The following DCLK3 variants were observed in gnomAD, a reference collection of about 807,000 sequenced individuals.
DCLK3 encodes the protein serine/threonine-protein kinase DCLK3.
A neutral mutation model predicts 46.4 loss-of-function variants in DCLK3; 30 were observed. The ratio of observed to expected loss-of-function variants is 0.65; its 90% confidence interval spans 0.48 to 0.88. DCLK3 has a LOEUF of 0.88. DCLK3 is among the 40% of genes least tolerant of loss of function. The probability of loss-of-function intolerance (pLI) is 0.00; values close to 1 mark genes in which losing one functional copy is unlikely to be tolerated. For synonymous variants in DCLK3, 401 were observed against 339.2 expected (o/e 1.18, Z -2.00); for missense variants, 846 against 907.1 (o/e 0.93, Z 0.87).
intron 1 of DCLK3, among the ~76,000 whole-genome samples, chr3:36,740,711 T>C (rs1701335883): frequency 1.3e-5 from 2 of 152,212 alleles, no homozygotes; most frequent in Non-Finnish European, 1.5e-5. Flanking sequence ...ACAGAAAGTA[T>C]AACTCAGTTA....
At chr3:36,730,974 G>A (rs1440874717) in intron 2 of DCLK3, among the ~76,000 whole-genome samples, 2 of 152,020 alleles carry the variant, frequency 1.3e-5, no homozygotes, top group Non-Finnish European at 2.9e-5. Flanking sequence ...TGAATGGCTG[G>A]AGAGTGGCTT....
Position 36,737,409 on chromosome 3 carries a change from C to A in DCLK3, c.1758G>T (p.Leu586Phe), listed in dbSNP as rs1415813521. The A allele has an allele frequency of 2.5e-6, 4 of 1,614,178 alleles. No individual in the cohort carries two copies. Among genetic ancestry groups the A allele is most frequent in the African/African-American group, 1.3e-5 (1 of 75,046 alleles). The change falls in exon 2 of 5, where the codon TTG becomes TTT. Residue 586 changes from leucine to phenylalanine, a missense_variant. This residue lies in a region of DCLK3 where 247 missense variants were observed against 322.8 expected (regional missense o/e 0.77). Coordinates refer to ENST00000636136, the MANE Select transcript of DCLK3 (RefSeq NM_001394672.2). This position sits in a 1 kb window ranked among gnomAD's most constrained non-coding sequence, Gnocchi z 4.4. ...QSLSHPNIVK[L>F]HEVYETDMEI... The stretch of plus-strand genomic sequence containing the variant: ...CCATGTCTGTTTCGTAGACTTCATG[C>A]AATTTCACGATGTTGGGGTGAGAGA...
intron 1 of DCLK3, among the ~76,000 whole-genome samples, chr3:36,748,319 G>C (rs576192161): frequency 1.3e-5 from 2 of 152,192 alleles, no homozygotes; most frequent in African/African-American, 4.8e-5. Context: ...CAGAACAGCT[G>C]GTTTAAGTGT....
intron 1 of DCLK3, among the ~76,000 whole-genome samples, chr3:36,751,085 A>AAAAAAAAAAAAAT (rs1701437845): frequency 6.6e-6 from 1 of 151,474 alleles, no homozygotes. Context: ...AAAAAAAAAA[A>AAAAAAAAAAAAAT]ACTCCCCGAA....
intron 1 of DCLK3, among the ~76,000 whole-genome samples, chr3:36,741,056 C>T (rs1281449935): frequency 6.6e-6 from 1 of 152,224 alleles, no homozygotes; most frequent in Non-Finnish European, 1.5e-5. Flanking sequence ...TTAACAATCA[C>T]ATTTACAGTT....
intron 4 of DCLK3, 92 bp downstream of exon 4, chr3:36,717,918 A>G (rs991979780): frequency 3.3e-6 from 5 of 1,527,974 alleles, no homozygotes; most frequent in South Asian, 1.2e-5. Context: ...TGACAGTCCA[A>G]CTCTGCACCA....
chr3:36,726,431 G>T (rs1398361783), intron 2 of DCLK3, among the ~76,000 whole-genome samples: 2 of 151,994 alleles, frequency 1.3e-5, no homozygotes, highest in African/African-American at 4.8e-5. Context: ...TTATCAACTT[G>T]TCTGCAGGCA....
intron 1 of DCLK3, among the ~76,000 whole-genome samples, chr3:36,753,085 T>C (rs1701457271): frequency 6.6e-6 from 1 of 152,166 alleles, no homozygotes; most frequent in Non-Finnish European, 1.5e-5. Flanking sequence ...AGGATATGAC[T>C]ATTACTGGCT....
chr3:36,760,035 T>C (rs1701525273), intron 1 of DCLK3, among the ~76,000 whole-genome samples: 1 of 152,210 alleles, frequency 6.6e-6, no homozygotes, highest in Non-Finnish European at 1.5e-5. Flanking sequence ...TATTTGGCCA[T>C]TTGGCCAGGA....
At position 36,738,700 on chromosome 3, in the gene DCLK3, C is replaced by T. The variant is rs1282760006; in HGVS notation, c.467G>A (p.Ser156Asn). The change falls in exon 2 of 5, where the codon AGC becomes AAC. Residue 156 changes from serine to asparagine, a missense_variant. Transcript: ENST00000636136. ...LFNLKGREIR[S>N]VSDFFREGDA... is the part of the protein sequence containing the mutation. Reference sequence around the variant, plus strand: ...CCCTTCCCTGAAGAAATCAGAGACGCTCCTGATTTCCCTGCCCTTGAGGTT... The same window carrying T: ...CCCTTCCCTGAAGAAATCAGAGACGTTCCTGATTTCCCTGCCCTTGAGGTT... 3 of 1,323,518 alleles carry T rather than the reference C, an allele frequency of 2.3e-6. No homozygotes were observed. The highest frequency in any genetic ancestry group is 3.0e-5 in the African/African-American group (2 of 66,474). 82.0% of individuals were successfully genotyped at this position (1,323,518 alleles called of 1,614,324 possible).
intron 2 of DCLK3, among the ~76,000 whole-genome samples, chr3:36,731,296 C>T (rs1158551804): frequency 2.6e-5 from 4 of 152,214 alleles, no homozygotes; most frequent in Admixed American, 1.3e-4. Flanking sequence ...GATTTCACCT[C>T]GACCCTGCTT....
chr3:36,750,649 G>A (rs1007797890), intron 1 of DCLK3, among the ~76,000 whole-genome samples: 1 of 152,142 alleles, frequency 6.6e-6, no homozygotes, highest in Non-Finnish European at 1.5e-5. Flanking sequence ...AGCTGTGTGG[G>A]CGCAGATCTT....
At chr3:36,747,107 G>A (rs572154194) in intron 1 of DCLK3, among the ~76,000 whole-genome samples, 7 of 152,264 alleles carry the variant, frequency 4.6e-5, no homozygotes, top group Non-Finnish European at 7.4e-5. Context: ...GTCCAGCCAC[G>A]GTTCCTTTGA....
chr3:36,714,336 T>C lies in DCLK3; in HGVS notation c.*992A>G, dbSNP rs1283889872. On this transcript the variant is annotated 3_prime_UTR_variant, in exon 5 of 5. Transcript: ENST00000636136. ...GGCCTACTAACCAGGTCATTCATAATCTAGGAAGGTCAATTTGGGAAATAT... is the reference window on the plus strand; with the variant it reads ...GGCCTACTAACCAGGTCATTCATAACCTAGGAAGGTCAATTTGGGAAATAT... 1 of 152,192 alleles carries C rather than the reference T, an allele frequency of 6.6e-6. No homozygotes were observed. Among genetic ancestry groups the C allele is most frequent in the Non-Finnish European group, 1.5e-5 (1 of 68,038 alleles). 9.4% of individuals were successfully genotyped at this position (152,192 alleles called of 1,614,324 possible).
rs1286029204 is a variant in DCLK3, at chr3:36,714,188, C to A, written c.*1140G>T. On this transcript the variant is annotated 3_prime_UTR_variant, in exon 5 of 5. Coordinates refer to ENST00000636136, the MANE Select transcript of DCLK3 (RefSeq NM_001394672.2). ...TTTTCCAAAACCTGATTAAGCAATT[C>A]CTTATGTTGAATTCTCTAGTACTAT... 3 of 152,222 alleles carry A rather than the reference C, an allele frequency of 2.0e-5. No individual in the cohort carries two copies. Among genetic ancestry groups the A allele is most frequent in the African/African-American group, 7.2e-5 (3 of 41,446 alleles). The allele number at this position is 152,222 out of a possible 1,614,324, so 9.4% of individuals were successfully genotyped here. A position where few individuals can be genotyped will look rare whatever the true frequency, so the allele number is the denominator to read the frequency against.
rs377602149 is a variant in DCLK3 at position 36,737,492 on chromosome 3, A to T, written c.1675T>A (p.Ser559Thr). ...ATGTCCTCCTTGCCCTTGAGTCTGG[A>T]CTTGTCAATGATCTTCATCGCATAG... ...QAYAMKIIDK[S>T]RLKGKEDMVD... The change falls in exon 2 of 5, where the codon TCC becomes ACC. Residue 559 changes from serine (S) to threonine (T), a missense_variant. Ser to Thr is a moderately conservative substitution (Grantham distance 58). Coordinates refer to ENST00000636136, the MANE Select transcript of DCLK3 (RefSeq NM_001394672.2). The surrounding 1 kb of genome is among the most constrained non-coding windows in gnomAD (Gnocchi z 4.4). 5.0e-6 allele frequency: 8 copies of T among 1,614,020 alleles called. No homozygotes were observed. Among genetic ancestry groups the T allele is most frequent in the Non-Finnish European group, 6.8e-6 (8 of 1,179,994 alleles).
At chr3:36,761,549 C>G (rs944674628) in intron 1 of DCLK3, among the ~76,000 whole-genome samples, 3 of 152,182 alleles carry the variant, frequency 2.0e-5, no homozygotes, top group Non-Finnish European at 4.4e-5. Flanking sequence ...ACGTATGCAT[C>G]TTCAAAAGGG....
chr3:36,738,066 C>G lies in DCLK3; in HGVS notation c.1101G>C (p.Trp367Cys), dbSNP rs1701291267. 1 of 1,613,764 alleles carries G rather than the reference C, an allele frequency of 6.2e-7. No homozygotes were observed. The highest frequency in any genetic ancestry group is 8.5e-7 in the Non-Finnish European group (1 of 1,179,862). Reference sequence around the variant, plus strand: ...GGCTGCTCCTGTGGCTGTCACCCTTCCACCCTTCCTCCCCACTTGCAGGAT... The same window carrying G: ...GGCTGCTCCTGTGGCTGTCACCCTTGCACCCTTCCTCCCCACTTGCAGGAT... ...EANPASGEEG[W>C]KGDSHRSSPR... The change falls in exon 2 of 5, where the codon TGG (tryptophan) becomes TGC (cysteine). Residue 367 changes from tryptophan (W) to cysteine (C), a missense_variant. This residue lies in a region of DCLK3 where 553 missense variants were observed against 543.0 expected (regional missense o/e 1.02). Coordinates refer to ENST00000636136, the MANE Select transcript of DCLK3 (RefSeq NM_001394672.2).
chr3:36,754,949 T>A (rs1233035722), intron 1 of DCLK3, among the ~76,000 whole-genome samples: 3 of 152,204 alleles, frequency 2.0e-5, no homozygotes, highest in Non-Finnish European at 2.9e-5. Flanking sequence ...ATTAATTACA[T>A]ATATTAACTA....
Sources: allele counts gnomAD v4.1 joint callset (sites outside exome capture counted in the v4.1 genomes callset), GRCh38; gene constraint gnomAD v4.1.1; regional missense constraint gnomAD v4.1.1; non-coding constraint Gnocchi (gnomAD v3.1); transcripts MANE v1.5; gene names NCBI Gene and HGNC (gene_info 2026-07-23, HGNC 2026-07-21).